The following CYP2U1 variants were observed in gnomAD, a reference collection of about 807,000 sequenced individuals.
CYP2U1 encodes cytochrome P450 2U1.
In CYP2U1, 28 loss-of-function variants were observed where a neutral mutation model predicts 42.8. That is an observed-to-expected ratio of 0.65 (90% CI 0.48 to 0.90). The LOEUF is 0.90. Ranked by LOEUF, CYP2U1 falls within the 40% of genes least tolerant of loss-of-function variation. The pLI, the probability that CYP2U1 is intolerant of heterozygous loss-of-function variation, is 0.00. For missense variants in CYP2U1, 642 were observed against 693.8 expected, an observed-to-expected ratio of 0.93 and a Z score of 0.84; for synonymous variants, 296 against 278.9, an observed-to-expected ratio of 1.06 and a Z score of -0.61.
At chr4:107,932,787 T>C (rs1733077730) in intron 1 of CYP2U1, among the ~76,000 whole-genome samples, 1 of 152,208 alleles carries the variant, frequency 6.6e-6, no homozygotes, top group Non-Finnish European at 1.5e-5. Context: ...CTTTTCTGAG[T>C]CACTCCTACG....
chr4:107,939,308 G>T (rs1027374263), intron 1 of CYP2U1, among the ~76,000 whole-genome samples: 8 of 152,170 alleles, frequency 5.3e-5, no homozygotes, highest in African/African-American at 1.7e-4. Context: ...CTTGGTCATG[G>T]TTAAAGACAG....
In CYP2U1 at chr4:107,931,570, G is replaced by T. The variant is rs1732964119; in HGVS notation, c.-74G>T. ...TTCCAGAGCAGAGCAGGACACTGGCGCCGCGGGTCAGGCAGCTGCGTGCGC... is the reference window on the plus strand; with the variant it reads ...TTCCAGAGCAGAGCAGGACACTGGCTCCGCGGGTCAGGCAGCTGCGTGCGC... On this transcript the variant is annotated 5_prime_UTR_variant, in exon 1 of 5. Transcript: ENST00000332884. 8.3e-7 allele frequency: 1 copy of T among 1,209,068 alleles called. No individual in the cohort carries two copies. The highest frequency in any genetic ancestry group is 4.1e-5 in the South Asian group (1 of 24,176). The allele number at this position is 1,209,068 out of a possible 1,614,324, so 74.9% of individuals were successfully genotyped here.
intron 1 of CYP2U1, among the ~76,000 whole-genome samples, chr4:107,944,247 G>A (rs1203082069): frequency 6.6e-6 from 1 of 152,118 alleles, no homozygotes; most frequent in African/African-American, 2.4e-5. Flanking sequence ...AGTTCAGAAT[G>A]TTTAGAATAT....
At chr4:107,937,535 G>A (rs1733317232) in intron 1 of CYP2U1, 2 of 149,150 alleles carry the variant, frequency 1.3e-5, no homozygotes, top group African/African-American at 2.5e-5. Context: ...TTGAGGTGGA[G>A]TCTTGCTCTG....
rs747780192 is a variant in CYP2U1, at chr4:107,931,586, C to G, written c.-58C>G. On this transcript the variant is annotated 5_prime_UTR_variant, in exon 1 of 5. Coordinates refer to ENST00000332884, the MANE Select transcript of CYP2U1 (RefSeq NM_183075.3). ...GACACTGGCGCCGCGGGTCAGGCAG[C>G]TGCGTGCGCGTCTCCTCCAGGCAGC... 1.3e-4 allele frequency: 156 copies of G among 1,227,180 alleles called. No homozygotes were observed. The highest frequency in any genetic ancestry group is 1.5e-4 in the Non-Finnish European group (147 of 985,366). 76.0% of individuals were successfully genotyped at this position (1,227,180 alleles called of 1,614,324 possible).
At chr4:107,941,172 T>C (rs550555568) in intron 1 of CYP2U1, 1 of 152,196 alleles carries the variant, frequency 6.6e-6, no homozygotes, top group East Asian at 1.9e-4. Context: ...AACAGGAAGA[T>C]AGAATTCTAA....
At position 107,949,421 on chromosome 4, in the gene CYP2U1, G is replaced by A; in HGVS notation, c.1360G>A (p.Ala454Thr). The change falls in exon 4 of 5, where the codon GCC becomes ACC. Residue 454 changes from alanine (A) to threonine (T), a missense_variant. By Grantham distance (58) the Ala-to-Thr change is moderately conservative. Transcript: ENST00000332884. ...CCTGTGGTCAGTACATAGAGACCCA[G>A]CCATTTGGGAGAAACCGGAGGATTT... ...PNLWSVHRDP[A>T]IWEKPEDFYP... 1 of 1,611,620 alleles carries A rather than the reference G, an allele frequency of 6.2e-7. No homozygotes were observed. Among genetic ancestry groups the A allele is most frequent in the Non-Finnish European group, 8.5e-7 (1 of 1,178,634 alleles).
At chr4:107,934,318 C>T (rs897817117) in intron 1 of CYP2U1, among the ~76,000 whole-genome samples, 2 of 152,106 alleles carry the variant, frequency 1.3e-5, no homozygotes, top group African/African-American at 4.8e-5. Context: ...CCTTCCCAGT[C>T]CCTTCTAATC....
chr4:107,939,983 C>T (rs900003701), intron 1 of CYP2U1: 4 of 152,136 alleles, frequency 2.6e-5, no homozygotes, highest in Admixed American at 6.6e-5. Flanking sequence ...AAAACAAGGA[C>T]ATTTGTCTAT....
At position 107,950,265 on chromosome 4, in the gene CYP2U1, G is replaced by C; in HGVS notation, c.1477G>C (p.Glu493Gln). 6.2e-7 allele frequency: 1 copy of C among 1,612,540 alleles called. No homozygotes were observed. Among genetic ancestry groups the C allele is most frequent in the Non-Finnish European group, 8.5e-7 (1 of 1,179,394 alleles). ...TTTAGGGAAGCGGGTGTGTATGGGA[G>C]AACAACTGGCAAAGATGGAATTATT... ...FGIGKRVCMG[E>Q]QLAKMELFLM... Residue 493 changes from glutamate (E) to glutamine (Q), a missense_variant, in exon 5 of 5, where the codon GAA becomes CAA. Transcript: ENST00000332884.
chr4:107,944,926 A>G, intron 1 of CYP2U1, 44 bp from the exon 2 acceptor site: 3 of 1,552,738 alleles, frequency 1.9e-6, no homozygotes, highest in Non-Finnish European at 2.6e-6. Context: ...CAGTGTTATC[A>G]GGAATACTGT....
chr4:107,945,304 G>C lies in CYP2U1; in HGVS notation c.825G>C (p.Trp275Cys), dbSNP rs766883559. The change falls in exon 2 of 5, where the codon TGG becomes TGC. Residue 275 changes from tryptophan to cysteine, a missense_variant. Transcript: ENST00000332884. ...SQVLLVNICP[W>C]LYYLPFGPFK... is the part of the protein sequence containing the mutation. ...TCCTCCTGGTCAACATATGCCCTTG[G>C]CTTTATTACCTTCCCTTTGGACCAT... 4 of 1,613,970 alleles carry C rather than the reference G, an allele frequency of 2.5e-6. No homozygotes were observed. The highest frequency in any genetic ancestry group is 3.4e-6 in the Non-Finnish European group (4 of 1,180,004).
intron 4 of CYP2U1, 123 bp from the exon 5 acceptor site, chr4:107,950,122 G>T: frequency 1.0e-6 from 1 of 972,434 alleles, no homozygotes. Flanking sequence ...ATGGCAATTT[G>T]ACTTAAAAAC....
chr4:107,949,281 A>T, intron 3 of CYP2U1, 69 bp from the exon 4 acceptor site: 1 of 1,344,064 alleles, frequency 7.4e-7, no homozygotes, highest in Non-Finnish European at 9.7e-7. Flanking sequence ...TTTTTCAGAT[A>T]ATGATGTTCA....
At chr4:107,942,973 A>G (rs866987230) in intron 1 of CYP2U1, among the ~76,000 whole-genome samples, 15 of 152,224 alleles carry the variant, frequency 9.9e-5, no homozygotes, top group Admixed American at 4.6e-4. Context: ...TACCATTTAG[A>G]AACTTAAAAA....
chr4:107,943,828 G>C (rs1733583065), intron 1 of CYP2U1, among the ~76,000 whole-genome samples: 1 of 152,184 alleles, frequency 6.6e-6, no homozygotes, highest in African/African-American at 2.4e-5. Flanking sequence ...AAGGAAGCTA[G>C]CCAAAATGAT....
chr4:107,932,624 C>T (rs1354375153), intron 1 of CYP2U1, among the ~76,000 whole-genome samples: 1 of 152,194 alleles, frequency 6.6e-6, no homozygotes, highest in Non-Finnish European at 1.5e-5. Flanking sequence ...AAATCTCCGG[C>T]TTTGGTTCAT....
chr4:107,952,414 T>C lies in CYP2U1; in HGVS notation c.*1991T>C, dbSNP rs1342816554. On this transcript the variant is annotated 3_prime_UTR_variant, in exon 5 of 5. Transcript: ENST00000332884. ...ATATCCAGGGACCTCACACTGACTT[T>C]CCTAAAGGAGAGAAGCAGCTACGCT... 6.6e-6 allele frequency: 1 copy of C among 152,260 alleles called. No homozygotes were observed. The highest frequency in any genetic ancestry group is 1.5e-5 in the Non-Finnish European group (1 of 68,052). The allele number at this position is 152,260 out of a possible 1,614,324, so 9.4% of individuals were successfully genotyped here. A position where few individuals can be genotyped will look rare whatever the true frequency, so the allele number is the denominator to read the frequency against.
intron 1 of CYP2U1, among the ~76,000 whole-genome samples, chr4:107,935,168 T>C (rs1208507850): frequency 6.6e-6 from 1 of 152,246 alleles, no homozygotes; most frequent in Non-Finnish European, 1.5e-5. Context: ...CTTTGAGATC[T>C]CAACAGTGTA....
Sources: allele counts gnomAD v4.1 joint callset (sites outside exome capture counted in the v4.1 genomes callset), GRCh38; gene constraint gnomAD v4.1.1; transcripts MANE v1.5; gene names NCBI Gene and HGNC (gene_info 2026-07-23, HGNC 2026-07-21).